KDM2B: variants seen among roughly 807,000 people sequenced by gnomAD.
KDM2B encodes lysine-specific demethylase 2B.
KDM2B carries 26 observed loss-of-function variants against 150.0 expected under a neutral mutation model. The observed-to-expected ratio is 0.17, with a 90% CI of 0.13 to 0.24. KDM2B has a LOEUF of 0.24. Among genes scored for constraint, KDM2B ranks in the 10% least tolerant of loss-of-function variants. KDM2B has a pLI of 1.00. For missense variants in KDM2B, 1,265 were observed against 1,816.9 expected, an observed-to-expected ratio of 0.70 and a Z score of 5.52; for synonymous variants, 734 against 729.5, an observed-to-expected ratio of 1.01 and a Z score of -0.10.
At chr12:121,582,050 T>G (rs148555699), upstream of KDM2B, among the ~76,000 whole-genome samples, 192 of 152,368 alleles carry the variant, frequency 1.3e-3, 2 homozygotes, top group African/African-American at 4.2e-3. Flanking sequence ...TCGCCCACGT[T>G]GGCTGCTGCG....
In KDM2B at chr12:121,520,884, G is replaced by A. The variant is rs1472621143; in HGVS notation, c.1047+101C>T. On this transcript the variant is annotated intron_variant, in intron 9 of 22. Coordinates refer to ENST00000377071, the MANE Select transcript of KDM2B (RefSeq NM_032590.5). The surrounding 1 kb of genome is among the most constrained non-coding windows in gnomAD (Gnocchi z 4.5). ...TTGAGAGAGGAATCGGGAGGGAGAG[G>A]GGAACTGTGGAGGACTTCAGTATGA... The A allele has an allele frequency of 3.7e-6, 3 of 802,262 alleles. No homozygotes were observed. The highest frequency in any genetic ancestry group is 6.2e-6 in the Non-Finnish European group (3 of 483,778). The allele number at this position is 802,262 out of a possible 1,614,324, so 49.7% of individuals were successfully genotyped here.
intron 12 of KDM2B, among the ~76,000 whole-genome samples, chr12:121,478,868 G>GTTTGTT (rs1437749986): frequency 2.2e-4 from 32 of 142,980 alleles, no homozygotes; most frequent in Middle Eastern, 3.6e-3. Flanking sequence ...TTGTTTGTTT[G>GTTTGTT]TGTGTGTGTG....
chr12:121,538,939 G>C (rs1555309212), intron 6 of KDM2B, among the ~76,000 whole-genome samples: 2 of 151,936 alleles, frequency 1.3e-5, no homozygotes, highest in South Asian at 2.1e-4. Context: ...GCTCAAATCA[G>C]AAGTCCCACA....
In KDM2B at chr12:121,578,790, G is replaced by C. The variant is rs782584685; in HGVS notation, c.271+12C>G. The C allele has an allele frequency of 1.3e-6, 2 of 1,518,320 alleles. No individual in the cohort carries two copies. Among genetic ancestry groups the C allele is most frequent in the Non-Finnish European group, 1.8e-6 (2 of 1,124,974 alleles). 94.1% of individuals were successfully genotyped at this position (1,518,320 alleles called of 1,614,324 possible). A position where few individuals can be genotyped will look rare whatever the true frequency, so the allele number is the denominator to read the frequency against. On this transcript the variant is annotated intron_variant, in intron 2 of 22. Transcript: ENST00000377071. ...GCAGCGCAGAGGGCGGCCCGGGGTGGGGGCGCCTCACCTTTGCCCTCCATG... is the reference window on the plus strand; with the variant it reads ...GCAGCGCAGAGGGCGGCCCGGGGTGCGGGCGCCTCACCTTTGCCCTCCATG...
At chr12:121,567,754 A>G (rs941359247) in intron 4 of KDM2B, among the ~76,000 whole-genome samples, 2 of 126,386 alleles carry the variant, frequency 1.6e-5, no homozygotes, top group African/African-American at 6.3e-5. Flanking sequence ...TCTCTCACCC[A>G]GGCTGGAGTA....
Position 121,441,877 on chromosome 12 carries a change from C to T in KDM2B, c.3284+280G>A, listed in dbSNP as rs547941302. On this transcript the variant is annotated intron_variant, in intron 19 of 22. Transcript: ENST00000377071. ...GTAAATATCGGCTGGACTGAAGTTG[C>T]AACTCGCAGCCTTGCTGGAAACCTG... 2.0e-5 allele frequency among the ~76,000 whole-genome samples: 3 copies of T among 152,344 alleles called. No individual in the cohort carries two copies. In the East Asian group the frequency reaches 5.8e-4, roughly 29 times the overall value.
intron 12 of KDM2B, among the ~76,000 whole-genome samples, chr12:121,477,477 G>A (rs1555296962): frequency 6.6e-6 from 1 of 151,884 alleles, no homozygotes; most frequent in African/African-American, 2.4e-5. Context: ...TCCAACTCCT[G>A]AGCTCAAGGG....
Position 121,549,032 on chromosome 12 carries a change from G to C in KDM2B, c.577-49C>G. 1 of 1,465,952 alleles carries C rather than the reference G, an allele frequency of 6.8e-7. No homozygotes were observed. Among genetic ancestry groups the C allele is most frequent in the South Asian group, 1.1e-5 (1 of 87,988 alleles). The allele number at this position is 1,465,952 out of a possible 1,614,324, so 90.8% of individuals were successfully genotyped here. A position where few individuals can be genotyped will look rare whatever the true frequency, so the allele number is the denominator to read the frequency against. Reference sequence around the variant, plus strand: ...ACTGCATTTCTCCACTGCCGAGCCAGACACAAATACCCCTTTCCCCGGAGA... The same window carrying C: ...ACTGCATTTCTCCACTGCCGAGCCACACACAAATACCCCTTTCCCCGGAGA... On this transcript the variant is annotated intron_variant, in intron 5 of 22. Coordinates refer to ENST00000377071, the MANE Select transcript of KDM2B (RefSeq NM_032590.5). The surrounding 1 kb of genome is among the most constrained non-coding windows in gnomAD (Gnocchi z 4.4).
intron 6 of KDM2B, among the ~76,000 whole-genome samples, chr12:121,548,010 G>A (rs1303108260): frequency 6.6e-6 from 1 of 152,076 alleles, no homozygotes; most frequent in Non-Finnish European, 1.5e-5. Context: ...CAAAAGTTCT[G>A]TTACTCAAGT....
intron 22 of KDM2B, among the ~76,000 whole-genome samples, chr12:121,438,170 C>T (rs565561170): frequency 1.3e-5 from 2 of 151,266 alleles, no homozygotes; most frequent in South Asian, 2.1e-4. Flanking sequence ...AGAAGAATCA[C>T]TTGAACCTGG....
intron 11 of KDM2B, 112 bp downstream of exon 11, chr12:121,509,455 T>C (rs989052359): frequency 2.0e-6 from 3 of 1,502,050 alleles, no homozygotes; most frequent in Non-Finnish European, 1.8e-6. Flanking sequence ...CCCACCCGAA[T>C]GCTCAGAGCA....
chr12:121,472,480 C>T (rs782791924), intron 12 of KDM2B, among the ~76,000 whole-genome samples: 1 of 151,606 alleles, frequency 6.6e-6, no homozygotes, highest in Admixed American at 6.6e-5. Context: ...CCTGGAGAGT[C>T]GTTCCACAAG....
chr12:121,486,237 T>A (rs1490792513), intron 12 of KDM2B, among the ~76,000 whole-genome samples: 1 of 151,058 alleles, frequency 6.6e-6, no homozygotes, highest in African/African-American at 2.4e-5. Context: ...GACTCCTGAG[T>A]AGCTGGGATT....
chr12:121,442,464 G>C lies in KDM2B; in HGVS notation c.2977C>G (p.Arg993Gly). ...EPKRPPGICE[R>G]PHRFSKGLNG... ...AGCCCCTTGCTGAAGCGGTGGGGAC[G>C]CTCGCAGATGCCCGGGGGCCGCTTG... Residue 993 changes from arginine (R) to glycine (G), a missense_variant, in exon 19 of 23, where the codon CGT (arginine) becomes GGT (glycine). Coordinates refer to ENST00000377071, the MANE Select transcript of KDM2B (RefSeq NM_032590.5). This position sits in a 1 kb window ranked among gnomAD's most constrained non-coding sequence, Gnocchi z 7.7. 4 of 1,599,618 alleles carry C rather than the reference G, an allele frequency of 2.5e-6. No homozygotes were observed. Among genetic ancestry groups the C allele is most frequent in the Non-Finnish European group, 3.4e-6 (4 of 1,179,694 alleles).
intron 6 of KDM2B, among the ~76,000 whole-genome samples, chr12:121,539,582 C>CA (rs1888439174): frequency 6.6e-6 from 1 of 152,050 alleles, no homozygotes; most frequent in South Asian, 2.1e-4. Flanking sequence ...TTCTGGAACT[C>CA]AGAGTCCCAC....
intron 12 of KDM2B, among the ~76,000 whole-genome samples, chr12:121,461,298 G>A (rs1879085843): frequency 6.6e-6 from 1 of 152,182 alleles, no homozygotes; most frequent in African/African-American, 2.4e-5. Flanking sequence ...AAACAGCTCT[G>A]AAGTGGCTGG....
At position 121,442,345 on chromosome 12, in the gene KDM2B, C is replaced by T. The variant is rs1555288590; in HGVS notation, c.3096G>A (p.Pro1032=). The change falls in exon 19 of 23, where the codon CCG becomes CCA. Residue 1032 remains proline, a synonymous_variant. Coordinates refer to ENST00000377071, the MANE Select transcript of KDM2B (RefSeq NM_032590.5). This position sits in a 1 kb window ranked among gnomAD's most constrained non-coding sequence, Gnocchi z 7.7. Reference sequence around the variant, plus strand: ...GGCGCTCCATCTGGATACACTTGGGCGGGGACACGGAGGGTGGGGGCCGGG... The same window carrying T: ...GGCGCTCCATCTGGATACACTTGGGTGGGGACACGGAGGGTGGGGGCCGGG... The part of the protein sequence containing the change: ...VISRPPPSVS[P]PKCIQMERHV... 2 of 1,079,076 alleles carry T rather than the reference C, an allele frequency of 1.9e-6. No homozygotes were observed. Among genetic ancestry groups the T allele is most frequent in the African/African-American group, 1.8e-5 (1 of 56,576 alleles). The allele number at this position is 1,079,076 out of a possible 1,614,324, so 66.8% of individuals were successfully genotyped here. A position where few individuals can be genotyped will look rare whatever the true frequency, so the allele number is the denominator to read the frequency against.
intron 6 of KDM2B, among the ~76,000 whole-genome samples, chr12:121,542,018 C>T (rs1352798884): frequency 6.6e-6 from 1 of 152,160 alleles, no homozygotes; most frequent in Non-Finnish European, 1.5e-5. Flanking sequence ...TTCTCCTCCC[C>T]TTGAGTATGA....
At chr12:121,523,638 C>T (rs570356639) in intron 8 of KDM2B, among the ~76,000 whole-genome samples, 27 of 152,330 alleles carry the variant, frequency 1.8e-4, no homozygotes, top group Middle Eastern at 3.4e-3. Context: ...TGCTGGCATC[C>T]GCAGTGGACA....
Sources: allele counts gnomAD v4.1 joint callset (sites outside exome capture counted in the v4.1 genomes callset), GRCh38; gene constraint gnomAD v4.1.1; non-coding constraint Gnocchi (gnomAD v3.1); transcripts MANE v1.5; gene names NCBI Gene and HGNC (gene_info 2026-07-23, HGNC 2026-07-21).